EGLN1: variants seen among roughly 807,000 people sequenced by gnomAD.
The protein encoded by EGLN1 is egl-9 family hypoxia inducible factor 1.
In EGLN1, 17 loss-of-function variants were observed where a neutral mutation model predicts 38.3. The ratio of observed to expected loss-of-function variants is 0.44; its 90% CI spans 0.30 to 0.67. EGLN1 has a LOEUF of 0.67. EGLN1 is among the 30% of genes least tolerant of loss of function. The pLI is 0.08. For synonymous variants in EGLN1, 283 were observed against 257.5 expected, an observed-to-expected ratio of 1.10 and a Z score of -0.95; for missense variants, 477 against 603.3, an observed-to-expected ratio of 0.79 and a Z score of 2.19.
At chr1:231,377,573 A>G (rs930475160) in intron 1 of EGLN1, among the ~76,000 whole-genome samples, 5 of 152,234 alleles carry the variant, frequency 3.3e-5, no homozygotes, top group Admixed American at 6.5e-5. Flanking sequence ...TAGGTGAAAG[A>G]GCAGTTTTAA....
chr1:231,408,792 A>G (rs905959771), intron 1 of EGLN1, among the ~76,000 whole-genome samples: 1 of 152,118 alleles, frequency 6.6e-6, no homozygotes, highest in Non-Finnish European at 1.5e-5. Flanking sequence ...AGACAGGACA[A>G]AGTTGTAGCT....
In EGLN1 at chr1:231,391,133, T is replaced by TGTGA. The variant is rs1255328703; in HGVS notation, c.892-17035_892-17034insTCAC. Among the ~76,000 whole-genome samples the TGTGA allele has an allele frequency of 3.1e-3, 176 of 56,814 alleles. 2 individuals are homozygous for TGTGA. Among genetic ancestry groups the TGTGA allele is most frequent in the African/African-American group, 6.9e-3 (163 of 23,574 alleles). The allele number at this position is 56,814 out of a possible 152,430, so 37.3% of individuals were successfully genotyped here. A position where few individuals can be genotyped will look rare whatever the true frequency, so the allele number is the denominator to read the frequency against. The stretch of plus-strand genomic sequence containing the variant: ...GTGTGTGTGTGTGTGTGTGTGTGTG[T>TGTGA]GAGACAGGGAACTCATTCTGTTGCC... On this transcript the variant is annotated intron_variant, in intron 1 of 4. Coordinates refer to ENST00000366641, the MANE Select transcript of EGLN1 (RefSeq NM_022051.3).
chr1:231,414,095 T>C (rs970620171), intron 1 of EGLN1, among the ~76,000 whole-genome samples: 1 of 152,022 alleles, frequency 6.6e-6, no homozygotes. Flanking sequence ...TTAGCTGAAA[T>C]AAAAGGCAAA....
intron 1 of EGLN1, among the ~76,000 whole-genome samples, chr1:231,407,809 G>C (rs2790871): frequency 0.52 from 79,263 of 151,864 alleles, 22,856 homozygotes; most frequent in Non-Finnish European, 0.64. Context: ...AAGCCATGCT[G>C]ACCTGGGCTA....
chr1:231,391,943 G>C (rs933072215), intron 1 of EGLN1, among the ~76,000 whole-genome samples: 1 of 152,132 alleles, frequency 6.6e-6, no homozygotes, highest in Non-Finnish European at 1.5e-5. Flanking sequence ...AAAAACAAAA[G>C]AGTTCTAGGA....
intron 1 of EGLN1, among the ~76,000 whole-genome samples, chr1:231,396,262 T>G (rs200397787): frequency 5.1e-5 from 5 of 97,570 alleles, no homozygotes; most frequent in Admixed American, 3.0e-4. Flanking sequence ...TTTTTTTTTT[T>G]CTTTTTTGAG....
intron 1 of EGLN1, among the ~76,000 whole-genome samples, chr1:231,380,746 T>A (rs1224674635): frequency 1.3e-5 from 2 of 152,208 alleles, no homozygotes. Flanking sequence ...CATAGTAAGT[T>A]TTAATCTTTG....
rs1363725062 is a variant in EGLN1 at position 231,403,896 on chromosome 1, CAA to C, written c.891+17100_891+17101del. 3.8e-4 allele frequency among the ~76,000 whole-genome samples: 57 copies of C among 149,056 alleles called. 1 individual carries two copies. Among genetic ancestry groups the C allele is most frequent in the African/African-American group, 1.4e-3 (55 of 40,458 alleles). On this transcript the variant is annotated intron_variant, in intron 1 of 4. Coordinates refer to ENST00000366641, the MANE Select transcript of EGLN1 (RefSeq NM_022051.3). Reference sequence around the variant, plus strand: ...AAATTATTCAAAGTATTGTATAATTCAAAGTGTTTACATTTCTACATACCTAG... The same window carrying C: ...AAATTATTCAAAGTATTGTATAATTCAGTGTTTACATTTCTACATACCTAG...
chr1:231,396,990 AAC>A (rs1181218911), intron 1 of EGLN1, among the ~76,000 whole-genome samples: 2 of 152,290 alleles, frequency 1.3e-5, no homozygotes, highest in South Asian at 2.1e-4. Flanking sequence ...AATTCCTGTT[AAC>A]AGTCTTCTTA....
At chr1:231,382,951 G>A (rs371804122) in intron 1 of EGLN1, among the ~76,000 whole-genome samples, 71 of 151,384 alleles carry the variant, frequency 4.7e-4, no homozygotes, top group African/African-American at 1.6e-3. Context: ...CCAGCTACTC[G>A]GGAGGCTGAG....
At position 231,421,200 on chromosome 1, in the gene EGLN1, T is replaced by C. The variant is rs1181680072; in HGVS notation, c.689A>G (p.His230Arg). The C allele has an allele frequency of 1.9e-6, 3 of 1,614,104 alleles. No homozygotes were observed. In the South Asian group the frequency reaches 3.3e-5, roughly 18 times the overall value. Residue 230 changes from histidine (H) to arginine (R), a missense_variant, in exon 1 of 5, where the codon CAC becomes CGC. Coordinates refer to ENST00000366641, the MANE Select transcript of EGLN1 (RefSeq NM_022051.3). The surrounding 1 kb of genome is among the most constrained non-coding windows in gnomAD (Gnocchi z 5.5). ...CCCGTCCGTGAACTTCCCGGTGTCGTGCAGGGCGCGCACCTCGTCGCCGAT... is the reference window on the plus strand; with the variant it reads ...CCCGTCCGTGAACTTCCCGGTGTCGCGCAGGGCGCGCACCTCGTCGCCGAT... Reference protein sequence around the residue: ...QQIGDEVRALHDTGKFTDGQL... With the variant: ...QQIGDEVRALRDTGKFTDGQL...
intron 1 of EGLN1, among the ~76,000 whole-genome samples, chr1:231,381,949 C>T (rs1009160462): frequency 2.0e-5 from 3 of 152,316 alleles, no homozygotes; most frequent in African/African-American, 7.2e-5. Flanking sequence ...GCTTGATCCC[C>T]ACCCAGGGAA....
At chr1:231,391,953 A>G (rs1472660679) in intron 1 of EGLN1, among the ~76,000 whole-genome samples, 1 of 152,228 alleles carries the variant, frequency 6.6e-6, no homozygotes, top group African/African-American at 2.4e-5. Context: ...GAGTTCTAGG[A>G]CCAGAGTGGC....
chr1:231,415,351 T>C (rs1689053888), intron 1 of EGLN1, among the ~76,000 whole-genome samples: 2 of 151,828 alleles, frequency 1.3e-5, no homozygotes, highest in African/African-American at 4.8e-5. Flanking sequence ...ATGAATGAAC[T>C]AAATCAAAGG....
intron 1 of EGLN1, among the ~76,000 whole-genome samples, chr1:231,410,162 C>T (rs1452347437): frequency 3.3e-5 from 5 of 152,198 alleles, no homozygotes; most frequent in Non-Finnish European, 5.9e-5. Context: ...TAATGACTTG[C>T]TTCTTGCAAA....
intron 1 of EGLN1, among the ~76,000 whole-genome samples, chr1:231,383,906 A>G (rs1025323320): frequency 1.3e-5 from 2 of 152,142 alleles, no homozygotes; most frequent in Non-Finnish European, 2.9e-5. Context: ...GAGATCCTGT[A>G]CTTTAAACAA....
rs554792175 is a variant in EGLN1 at position 231,413,649 on chromosome 1, G to C, written c.891+7349C>G. On this transcript the variant is annotated intron_variant, in intron 1 of 4. Transcript: ENST00000366641. ...CACACTTCCTCCAACTAGAAGATAAGGTCCATGAGAAGGGGGGCTTTTTGT... is the reference window on the plus strand; with the variant it reads ...CACACTTCCTCCAACTAGAAGATAACGTCCATGAGAAGGGGGGCTTTTTGT... Among the ~76,000 whole-genome samples the C allele has an allele frequency of 3.9e-5, 6 of 152,194 alleles. No homozygotes were observed. In the East Asian group the frequency reaches 1.2e-3, roughly 29 times the overall value.
chr1:231,402,793 A>T (rs1223857415), intron 1 of EGLN1, among the ~76,000 whole-genome samples: 1 of 152,036 alleles, frequency 6.6e-6, no homozygotes, highest in Non-Finnish European at 1.5e-5. Flanking sequence ...ATGGTGGGAC[A>T]TAAGGGTCAA....
chr1:231,379,608 G>T (rs112776080), intron 1 of EGLN1, among the ~76,000 whole-genome samples: 1 of 152,162 alleles, frequency 6.6e-6, no homozygotes, highest in African/African-American at 2.4e-5. Context: ...TGGGCAGGAC[G>T]CCATTCTACT....
Sources: gnomAD v4.1 joint callset for allele counts (sites outside exome capture counted in the v4.1 genomes callset) on GRCh38, gnomAD v4.1.1 for gene constraint, Gnocchi (gnomAD v3.1) non-coding constraint, MANE v1.5 for transcripts, NCBI Gene and HGNC (gene_info 2026-07-23, HGNC 2026-07-21) for gene names.